TPRG1: variants seen among roughly 807,000 people sequenced by gnomAD.
TPRG1 encodes tumor protein p63 regulated 1.
Under a neutral mutation model 29.3 loss-of-function variants are expected in TPRG1, and 29 were observed. That is an observed-to-expected ratio of 0.99 (90% CI 0.74 to 1.35). TPRG1 has a LOEUF of 1.35. Among genes scored for constraint, TPRG1 ranks in the 40% most tolerant of loss-of-function variants. The pLI is 0.00. For synonymous variants in TPRG1, 130 were observed against 116.8 expected (o/e 1.11, Z -0.73); for missense variants, 327 against 335.0 (o/e 0.98, Z 0.19).
chr3:189,164,790 C>T (rs1480771349), intron 5 of TPRG1, among the ~76,000 whole-genome samples: 1 of 152,036 alleles, frequency 6.6e-6, no homozygotes, highest in Non-Finnish European at 1.5e-5. Flanking sequence ...TGTTGACATC[C>T]TCTGAAAACG....
intron 1 of TPRG1, among the ~76,000 whole-genome samples, chr3:189,118,043 T>C (rs1052253356): frequency 2.6e-5 from 4 of 152,134 alleles, no homozygotes; most frequent in Admixed American, 6.5e-5. Context: ...AGTTTGAGAC[T>C]TCCTAGAGAC....
At chr3:189,120,558 ATG>A (rs1336208415) in intron 1 of TPRG1, among the ~76,000 whole-genome samples, 3 of 152,214 alleles carry the variant, frequency 2.0e-5, no homozygotes, top group African/African-American at 7.2e-5. Context: ...GCTTATAATA[ATG>A]TGTGTTAAGT....
intron 4 of TPRG1, among the ~76,000 whole-genome samples, chr3:189,254,399 T>C (rs1742739932): frequency 6.6e-6 from 1 of 152,338 alleles, no homozygotes; most frequent in Admixed American, 6.5e-5. Flanking sequence ...TTGGTACCAG[T>C]ACCATGCTGT....
chr3:189,200,623 T>C (rs1560542898), intron 1 of TPRG1, among the ~76,000 whole-genome samples: 1 of 152,346 alleles, frequency 6.6e-6, no homozygotes, highest in East Asian at 1.9e-4. Context: ...AGAGTCATCG[T>C]TCTTGTTAAC....
intron 5 of TPRG1, chr3:189,315,541 T>C (rs1253871411): frequency 1.1e-5 from 5 of 455,012 alleles, no homozygotes; most frequent in Non-Finnish European, 2.2e-5. Context: ...CCAGAACTGA[T>C]GAATAGCAGT....
intron 4 of TPRG1, among the ~76,000 whole-genome samples, chr3:189,240,754 T>C (rs939111573): frequency 2.0e-5 from 3 of 152,128 alleles, no homozygotes; most frequent in Non-Finnish European, 2.9e-5. Context: ...GGTGGGGACA[T>C]AGTCAAACCA....
At chr3:189,266,312 G>A (rs150139845) in intron 4 of TPRG1, among the ~76,000 whole-genome samples, 2 of 152,264 alleles carry the variant, frequency 1.3e-5, no homozygotes, top group African/African-American at 4.8e-5. Context: ...TCCTCTATGT[G>A]TATTATTTAA....
intron 3 of TPRG1, among the ~76,000 whole-genome samples, chr3:189,010,068 G>A (rs1712513419): frequency 6.6e-6 from 1 of 152,024 alleles, no homozygotes; most frequent in Non-Finnish European, 1.5e-5. Context: ...TCCTGCATTA[G>A]TTTGCTAAGG....
At chr3:189,110,149 A>G (rs1578385512) in intron 1 of TPRG1, among the ~76,000 whole-genome samples, 2 of 152,284 alleles carry the variant, frequency 1.3e-5, no homozygotes, top group South Asian at 4.1e-4. Context: ...GGATTGCTGC[A>G]TTGTGTAGTA....
chr3:189,060,300 A>G (rs1229640418), intron 4 of TPRG1, among the ~76,000 whole-genome samples: 2 of 152,220 alleles, frequency 1.3e-5, no homozygotes. Context: ...CCTCAAAATA[A>G]TAAGGGCCAT....
chr3:189,284,958 G>A (rs1319484931), intron 4 of TPRG1, among the ~76,000 whole-genome samples: 1 of 152,146 alleles, frequency 6.6e-6, no homozygotes, highest in Non-Finnish European at 1.5e-5. Flanking sequence ...TTAAACTAAA[G>A]AGCTTCTGCA....
chr3:189,139,186 G>A (rs898522131), intron 3 of TPRG1, among the ~76,000 whole-genome samples: 26 of 152,194 alleles, frequency 1.7e-4, no homozygotes, highest in African/African-American at 6.0e-4. Flanking sequence ...TTTTAGAAGT[G>A]GAAAAATGTA....
chr3:189,296,229 T>G (rs959516181), intron 4 of TPRG1, among the ~76,000 whole-genome samples: 3 of 152,228 alleles, frequency 2.0e-5, no homozygotes, highest in African/African-American at 7.2e-5. Flanking sequence ...AAGATGGAAT[T>G]TAACTGTGAG....
upstream of TPRG1, among the ~76,000 whole-genome samples, chr3:189,170,323 G>A (rs1420090206): frequency 2.0e-5 from 3 of 152,246 alleles, no homozygotes; most frequent in African/African-American, 7.2e-5. Flanking sequence ...ATTAGGGAGG[G>A]GGCATAAATC....
At chr3:189,285,758 C>T (rs1330791435) in intron 4 of TPRG1, among the ~76,000 whole-genome samples, 3 of 152,152 alleles carry the variant, frequency 2.0e-5, no homozygotes, top group African/African-American at 2.4e-5. Flanking sequence ...TCCTACAACT[C>T]GAATTGTCCA....
intron 4 of TPRG1, among the ~76,000 whole-genome samples, chr3:189,306,943 G>A (rs1721723886): frequency 6.6e-6 from 1 of 152,160 alleles, no homozygotes; most frequent in South Asian, 2.1e-4. Context: ...ATATTTATTT[G>A]CTTGATAATT....
rs567025810 is a variant in TPRG1 at position 189,031,105 on chromosome 3, AC to A, written c.-463+7163del. 4.3e-4 allele frequency among the ~76,000 whole-genome samples: 66 copies of A among 152,112 alleles called. No individual in the cohort carries two copies. The East Asian group carries it at 0.01, about 24-fold the overall frequency. ...AGACCAGCCTGGCCAACATGGAGAA[AC>A]CCCGTCTCTACTAAAAATACAACAA... is the stretch of plus-strand genomic sequence containing the variant. On this transcript the variant is annotated intron_variant, in intron 4 of 10. Transcript: ENST00000433971.
intron 3 of TPRG1, among the ~76,000 whole-genome samples, chr3:189,229,149 G>T (rs552066178): frequency 6.6e-6 from 1 of 152,284 alleles, no homozygotes; most frequent in South Asian, 2.1e-4. Context: ...GGCATACCGG[G>T]TTTGTAGATT....
chr3:189,175,288 GT>G (rs146282464), intron 1 of TPRG1, among the ~76,000 whole-genome samples: 17,837 of 152,192 alleles, frequency 0.12, 1,286 homozygotes, highest in African/African-American at 0.19. Context: ...CTCAATAGAC[GT>G]GAGAAGAGTT....
Sources: gnomAD v4.1 joint callset for allele counts (sites outside exome capture counted in the v4.1 genomes callset) on GRCh38, gnomAD v4.1.1 for gene constraint, MANE v1.5 for transcripts, NCBI Gene and HGNC (gene_info 2026-07-23, HGNC 2026-07-21) for gene names.